The following TSNARE1 variants were observed in gnomAD, a reference collection of about 807,000 sequenced individuals.
The protein encoded by TSNARE1 is t-SNARE domain-containing protein 1.
TSNARE1 carries 49 observed loss-of-function variants against 62.0 expected under a neutral mutation model. The ratio of observed to expected loss-of-function variants is 0.79; its 90% CI spans 0.63 to 1.00. TSNARE1 has a LOEUF of 1.00. Among genes scored for constraint, TSNARE1 ranks in the 50% least tolerant of loss-of-function variants. The probability of loss-of-function intolerance (pLI) is 0.00; values close to 1 mark genes in which losing one functional copy is unlikely to be tolerated. For synonymous variants in TSNARE1, 328 were observed against 294.4 expected (o/e 1.11, Z -1.17); for missense variants, 755 against 700.1 (o/e 1.08, Z -0.88).
rs180702940 is a variant in TSNARE1, at chr8:142,269,935, G to T, written c.1446+4846C>A. The T allele has an allele frequency of 2.7e-5, 27 of 985,414 alleles. No individual in the cohort carries two copies. In the African/African-American group the frequency reaches 4.0e-4, roughly 15 times the overall value. 61.0% of individuals were successfully genotyped at this position (985,414 alleles called of 1,614,324 possible). A position where few individuals can be genotyped will look rare whatever the true frequency, so the allele number is the denominator to read the frequency against. On this transcript the variant is annotated intron_variant, in intron 12 of 13. Transcript: ENST00000524325. Reference sequence around the variant, plus strand: ...GGGGAAAACGCAAAACGAGGAAAAGGCCCCTCTCCCTGCTCTCAGGGATGC... The same window carrying T: ...GGGGAAAACGCAAAACGAGGAAAAGTCCCCTCTCCCTGCTCTCAGGGATGC...
intron 2 of TSNARE1, among the ~76,000 whole-genome samples, chr8:142,351,161 G>A (rs538190188): frequency 8.5e-5 from 13 of 152,342 alleles, no homozygotes; most frequent in African/African-American, 2.2e-4. Context: ...CACTGGCCAC[G>A]AGCAGTGAGG....
At chr8:142,244,257 G>C (rs973201548) in intron 12 of TSNARE1, among the ~76,000 whole-genome samples, 5 of 152,150 alleles carry the variant, frequency 3.3e-5, no homozygotes, top group Non-Finnish European at 5.9e-5. Flanking sequence ...CAAATTATTA[G>C]AGATAATGAG....
chr8:142,354,620 C>G lies in TSNARE1; in HGVS notation c.88+17G>C, dbSNP rs1352107280. 6.3e-7 allele frequency: 1 copy of G among 1,588,186 alleles called. No individual in the cohort carries two copies. The highest frequency in any genetic ancestry group is 8.6e-7 in the Non-Finnish European group (1 of 1,159,078). ...CATCCCCTCCTCCCCGCCCCCACTT[C>G]CAGCTACTATCATTACCTAGGGGCT... On this transcript the variant is annotated intron_variant, in intron 2 of 13. Transcript: ENST00000524325.
intron 1 of TSNARE1, among the ~76,000 whole-genome samples, chr8:142,370,642 A>C (rs1835855333): frequency 6.6e-6 from 1 of 152,136 alleles, no homozygotes; most frequent in Non-Finnish European, 1.5e-5. Flanking sequence ...ATACTAAATA[A>C]AAAAGAAGGT....
At position 142,368,077 on chromosome 8, in the gene TSNARE1, CAT is replaced by C. The variant is rs571789733; in HGVS notation, c.-39-13316_-39-13315del. Among the ~76,000 whole-genome samples the C allele has an allele frequency of 6.0e-3, 913 of 151,922 alleles. 9 individuals carry two copies. The highest frequency in any genetic ancestry group is 0.021 in the African/African-American group (856 of 41,446). ...AATACTATAAAAGGGAAGACTGACA[CAT>C]GTCACAGCTTTTATAAAAGCAAGTG... On this transcript the variant is annotated intron_variant, in intron 1 of 13. Transcript: ENST00000524325.
At chr8:142,317,015 C>T (rs1019973644) in intron 7 of TSNARE1, among the ~76,000 whole-genome samples, 1 of 151,960 alleles carries the variant, frequency 6.6e-6, no homozygotes, top group Non-Finnish European at 1.5e-5. Flanking sequence ...GACAGATTGG[C>T]GTCTCGCTCA....
At chr8:142,351,354 T>C (rs1388903771) in intron 2 of TSNARE1, among the ~76,000 whole-genome samples, 1 of 152,222 alleles carries the variant, frequency 6.6e-6, no homozygotes, top group Non-Finnish European at 1.5e-5. Flanking sequence ...AAATGTAATA[T>C]TCAGAATGGT....
chr8:142,406,832 C>T (rs9324587), upstream of TSNARE1: 35,452 of 152,036 alleles, frequency 0.23, 4,838 homozygotes, highest in African/African-American at 0.38. Flanking sequence ...TGAGGGGACA[C>T]GTGGGAGTCT....
intron 11 of TSNARE1, 29 bp from the exon 12 acceptor site, chr8:142,274,892 A>G: frequency 6.6e-7 from 1 of 1,505,440 alleles, no homozygotes; most frequent in Non-Finnish European, 8.9e-7. Context: ...GAAGGCAATT[A>G]CAGATGGAGG....
chr8:142,215,179 T>C (rs1468650344), intron 13 of TSNARE1, among the ~76,000 whole-genome samples: 1 of 152,208 alleles, frequency 6.6e-6, no homozygotes, highest in Non-Finnish European at 1.5e-5. Flanking sequence ...ATCTGTGATG[T>C]GCACGGCTGT....
intron 1 of TSNARE1, among the ~76,000 whole-genome samples, chr8:142,388,550 C>CTTTT (rs71313221): frequency 4.2e-4 from 28 of 67,412 alleles, no homozygotes; most frequent in East Asian, 9.8e-4. Context: ...AAAACAAAAT[C>CTTTT]TTTTTTTTTT....
intron 10 of TSNARE1, among the ~76,000 whole-genome samples, chr8:142,299,646 C>T (rs527329346): frequency 5.3e-5 from 8 of 152,252 alleles, no homozygotes; most frequent in Non-Finnish European, 1.2e-4. Flanking sequence ...CACTCACGCA[C>T]GCACGCATAC....
At chr8:142,271,643 G>A (rs891667280) in intron 12 of TSNARE1, 14 of 1,409,114 alleles carry the variant, frequency 9.9e-6, no homozygotes, top group South Asian at 1.5e-5. Flanking sequence ...CCCTTCCAGG[G>A]ACCTCAGGGG....
chr8:142,298,799 C>G (rs1240037810), intron 10 of TSNARE1, among the ~76,000 whole-genome samples: 1 of 152,196 alleles, frequency 6.6e-6, no homozygotes, highest in African/African-American at 2.4e-5. Flanking sequence ...GATCTCAATT[C>G]CAGCACAAAG....
chr8:142,242,910 TGAG>T (rs1192895827), intron 12 of TSNARE1, among the ~76,000 whole-genome samples: 1 of 124,612 alleles, frequency 8.0e-6, no homozygotes, highest in Non-Finnish European at 1.5e-5. Flanking sequence ...TGCAGTGAGC[TGAG>T]ATCAGCCTGG....
intron 1 of TSNARE1, among the ~76,000 whole-genome samples, chr8:142,393,459 G>C (rs1012018004): frequency 6.6e-6 from 1 of 152,244 alleles, no homozygotes; most frequent in Non-Finnish European, 1.5e-5. Flanking sequence ...TACTGTCCTC[G>C]TTCTGCACAA....
At chr8:142,357,263 T>C (rs1320972983) in intron 1 of TSNARE1, among the ~76,000 whole-genome samples, 3 of 152,126 alleles carry the variant, frequency 2.0e-5, no homozygotes, top group Admixed American at 6.5e-5. Flanking sequence ...CAAGCCGTCT[T>C]GGGTGAGGGC....
chr8:142,282,139 C>T (rs1241079546), intron 11 of TSNARE1, among the ~76,000 whole-genome samples: 1 of 152,246 alleles, frequency 6.6e-6, no homozygotes, highest in Non-Finnish European at 1.5e-5. Flanking sequence ...GGTGCAGCCC[C>T]TCTTCTCGTG....
intron 12 of TSNARE1, among the ~76,000 whole-genome samples, chr8:142,251,156 C>T (rs946909682): frequency 6.6e-6 from 1 of 152,116 alleles, no homozygotes; most frequent in African/African-American, 2.4e-5. Context: ...CAGCCCAGTG[C>T]ATTTGGGATC....
Sources: gnomAD v4.1 joint callset for allele counts (sites outside exome capture counted in the v4.1 genomes callset) on GRCh38, gnomAD v4.1.1 for gene constraint, MANE v1.5 for transcripts, NCBI Gene and HGNC (gene_info 2026-07-23, HGNC 2026-07-21) for gene names.